The following MYO1B variants were observed in gnomAD, a reference collection of about 807,000 sequenced individuals.
The protein encoded by MYO1B is myosin IB.
In MYO1B, 72 loss-of-function variants were observed where a neutral mutation model predicts 159.7. The observed-to-expected ratio is 0.45, with a 90% CI of 0.37 to 0.55. The LOEUF is 0.55. Among genes scored for constraint, MYO1B ranks in the 20% least tolerant of loss-of-function variants. The pLI, the probability that MYO1B is intolerant of heterozygous loss-of-function variation, is 0.00. For missense variants in MYO1B, 1,062 were observed against 1,364.8 expected (o/e 0.78, Z 3.50); for synonymous variants, 468 against 473.8 (o/e 0.99, Z 0.16).
chr2:191,344,829 C>CA (rs10646926), intron 5 of MYO1B, among the ~76,000 whole-genome samples: 2,502 of 55,534 alleles, frequency 0.045, 136 homozygotes, highest in Middle Eastern at 0.073. Flanking sequence ...GACTCCGTCT[C>CA]AAAAAAAAAA....
intron 11 of MYO1B, among the ~76,000 whole-genome samples, chr2:191,365,099 T>TTGGA (rs1429866440): frequency 5.3e-5 from 8 of 152,314 alleles, no homozygotes; most frequent in Admixed American, 5.2e-4. Context: ...GGGTGGGTGT[T>TTGGA]TGGATGGTTG....
chr2:191,300,879 A>G (rs1040356200), intron 3 of MYO1B, among the ~76,000 whole-genome samples: 3 of 151,974 alleles, frequency 2.0e-5, no homozygotes, highest in African/African-American at 7.3e-5. Flanking sequence ...CTTTCTTTAA[A>G]TTTTAGGTAA....
intron 17 of MYO1B, among the ~76,000 whole-genome samples, chr2:191,388,486 T>G (rs1261593614): frequency 6.6e-6 from 1 of 152,198 alleles, no homozygotes; most frequent in African/African-American, 2.4e-5. Flanking sequence ...CCTTCTATAG[T>G]TGTCTTTGAA....
intron 11 of MYO1B, among the ~76,000 whole-genome samples, chr2:191,366,367 G>A (rs967688643): frequency 2.6e-5 from 4 of 151,826 alleles, no homozygotes; most frequent in African/African-American, 9.7e-5. Flanking sequence ...TCAGCTATTC[G>A]GCTCCTTAGT....
chr2:191,264,266 A>G (rs1409607816), intron 1 of MYO1B, among the ~76,000 whole-genome samples: 1 of 152,214 alleles, frequency 6.6e-6, no homozygotes. Flanking sequence ...CATTCATGAA[A>G]TCCTAATGTA....
intron 7 of MYO1B, among the ~76,000 whole-genome samples, chr2:191,351,784 T>C (rs993523509): frequency 1.3e-5 from 2 of 152,092 alleles, no homozygotes; most frequent in African/African-American, 4.8e-5. Flanking sequence ...GCTCAGGAGA[T>C]TGACTTAGGA....
intron 23 of MYO1B, among the ~76,000 whole-genome samples, chr2:191,401,136 C>T (rs371634865): frequency 2.0e-5 from 3 of 152,038 alleles, no homozygotes; most frequent in East Asian, 3.9e-4. Flanking sequence ...CCCCCGCCCC[C>T]ATTGATGAAT....
intron 1 of MYO1B, among the ~76,000 whole-genome samples, chr2:191,262,647 C>T (rs894415808): frequency 6.7e-6 from 1 of 149,546 alleles, no homozygotes; most frequent in Non-Finnish European, 1.5e-5. Flanking sequence ...ACCACTCTAA[C>T]ACCTGTGAGC....
chr2:191,375,470 A>AAGATT (rs1694638471), intron 13 of MYO1B, among the ~76,000 whole-genome samples: 1 of 146,256 alleles, frequency 6.8e-6, no homozygotes, highest in Non-Finnish European at 1.5e-5. Context: ...TGATTTGTAA[A>AAGATT]AGATAGATAG....
intron 1 of MYO1B, among the ~76,000 whole-genome samples, chr2:191,268,559 A>T (rs186858579): frequency 1.2e-4 from 19 of 152,286 alleles, no homozygotes; most frequent in African/African-American, 4.6e-4. Flanking sequence ...GTTGGGGGGT[A>T]TTTATGTCTG....
intron 13 of MYO1B, 187 bp from the exon 14 acceptor site, chr2:191,381,275 T>C (rs1423675380): frequency 1.1e-5 from 7 of 665,474 alleles, no homozygotes; most frequent in Non-Finnish European, 1.7e-5. Flanking sequence ...TTCATTCACT[T>C]ACTCATGACC....
intron 1 of MYO1B, among the ~76,000 whole-genome samples, chr2:191,250,249 A>C (rs1686030039): frequency 6.6e-6 from 1 of 152,236 alleles, no homozygotes; most frequent in East Asian, 1.9e-4. Context: ...GAAGCAAGAG[A>C]GTGGAAGAAA....
chr2:191,250,110 T>A (rs6706774), intron 1 of MYO1B, among the ~76,000 whole-genome samples: 152,352 of 152,354 alleles, frequency 1, 76,175 homozygotes, highest in Non-Finnish European at 1. Flanking sequence ...GCTTTCAGGG[T>A]CGTTGTAGCA....
intron 21 of MYO1B, among the ~76,000 whole-genome samples, chr2:191,399,902 C>T (rs1386148408): frequency 1.3e-5 from 2 of 152,226 alleles, no homozygotes; most frequent in Non-Finnish European, 2.9e-5. Flanking sequence ...CCCATAAAAT[C>T]AGTTTCCAGC....
At chr2:191,386,755 G>A (rs1695421795) in intron 16 of MYO1B, among the ~76,000 whole-genome samples, 1 of 151,868 alleles carries the variant, frequency 6.6e-6, no homozygotes, top group South Asian at 2.1e-4. Flanking sequence ...TTAGAACTTG[G>A]TACTTTATTT....
At chr2:191,281,503 G>A (rs916153028) in intron 2 of MYO1B, among the ~76,000 whole-genome samples, 2 of 152,206 alleles carry the variant, frequency 1.3e-5, no homozygotes, top group Admixed American at 6.5e-5. Context: ...ACGTTCCCGA[G>A]CACTGCTTTT....
chr2:191,311,190 C>G (rs889745418), intron 3 of MYO1B, among the ~76,000 whole-genome samples: 18 of 152,318 alleles, frequency 1.2e-4, no homozygotes, highest in African/African-American at 4.1e-4. Flanking sequence ...CCTGCTTTCA[C>G]ATAAATTTAA....
At chr2:191,338,390 G>C (rs1368402305) in intron 4 of MYO1B, among the ~76,000 whole-genome samples, 1 of 152,088 alleles carries the variant, frequency 6.6e-6, no homozygotes, top group East Asian at 1.9e-4. Context: ...AGTTAATAAA[G>C]TGATTCTTAA....
chr2:191,383,670 C>A (rs1695232836), intron 15 of MYO1B, among the ~76,000 whole-genome samples: 1 of 151,360 alleles, frequency 6.6e-6, no homozygotes, highest in Admixed American at 6.6e-5. Flanking sequence ...CCAGGATCCC[C>A]AGTGGCCATA....
Sources: allele counts gnomAD v4.1 joint callset (sites outside exome capture counted in the v4.1 genomes callset), GRCh38; gene constraint gnomAD v4.1.1; transcripts MANE v1.5; gene names NCBI Gene and HGNC (gene_info 2026-07-23, HGNC 2026-07-21).